GALNTL5: variants seen among roughly 807,000 people sequenced by gnomAD.
GALNTL5 encodes the protein inactive polypeptide N-acetylgalactosaminyltransferase-like protein 5.
Under a neutral mutation model 51.0 loss-of-function variants are expected in GALNTL5, and 44 were observed. That is an observed-to-expected ratio of 0.86 (90% CI 0.68 to 1.11). The LOEUF (loss-of-function observed/expected upper bound fraction) is 1.11, where lower values mean the gene tolerates loss of function less well. GALNTL5 is among the 50% of genes least tolerant of loss of function. GALNTL5 has a pLI of 0.00. For synonymous variants in GALNTL5, 192 were observed against 182.8 expected (o/e 1.05, Z -0.41); for missense variants, 528 against 531.8 (o/e 0.99, Z 0.07).
intron 3 of GALNTL5, among the ~76,000 whole-genome samples, chr7:151,974,885 A>G (rs1338992695): frequency 6.6e-6 from 1 of 152,228 alleles, no homozygotes; most frequent in Non-Finnish European, 1.5e-5. Context: ...GGCAGTTTTA[A>G]TATTTAAAAT....
intron 7 of GALNTL5, among the ~76,000 whole-genome samples, chr7:152,008,245 T>C (rs1305561572): frequency 8.1e-6 from 1 of 122,758 alleles, no homozygotes; most frequent in Non-Finnish European, 1.7e-5. Context: ...AAGACCCCCA[T>C]CTCTACTTTT....
chr7:151,976,334 A>G (rs1036900491), intron 3 of GALNTL5, among the ~76,000 whole-genome samples: 1 of 152,080 alleles, frequency 6.6e-6, no homozygotes, highest in Non-Finnish European at 1.5e-5. Context: ...TAATATTGTT[A>G]TATCTTCTTG....
At chr7:151,957,884 T>C (rs2080944781) in intron 1 of GALNTL5, 1 of 151,988 alleles carries the variant, frequency 6.6e-6, no homozygotes, top group Non-Finnish European at 1.5e-5. Flanking sequence ...CATCGATCTC[T>C]TGATAGGAGG....
chr7:151,979,913 T>C (rs1465822787), intron 3 of GALNTL5, among the ~76,000 whole-genome samples: 4 of 152,200 alleles, frequency 2.6e-5, no homozygotes, highest in Non-Finnish European at 5.9e-5. Flanking sequence ...ATTTCCAGTT[T>C]TCTTAAAGTG....
chr7:151,969,021 C>T (rs912301602), intron 2 of GALNTL5, among the ~76,000 whole-genome samples: 1 of 152,088 alleles, frequency 6.6e-6, no homozygotes, highest in African/African-American at 2.4e-5. Context: ...ATTCAAGTTT[C>T]TTGATATGTG....
intron 5 of GALNTL5, among the ~76,000 whole-genome samples, chr7:151,991,506 AT>A (rs896022766): frequency 6.6e-6 from 1 of 152,104 alleles, no homozygotes; most frequent in Non-Finnish European, 1.5e-5. Context: ...ATGTAATGTA[AT>A]TTTTTTCAGA....
intron 3 of GALNTL5, among the ~76,000 whole-genome samples, chr7:151,979,106 C>CCTTTTTTTTTT (rs1554405638): frequency 1.4e-5 from 1 of 71,164 alleles, no homozygotes. Context: ...TACTTTTACT[C>CCTTTTTTTTTT]TTTTTTTTTT....
At chr7:152,005,331 T>C (rs2081629989) in intron 6 of GALNTL5, among the ~76,000 whole-genome samples, 1 of 152,146 alleles carries the variant, frequency 6.6e-6, no homozygotes, top group East Asian at 1.9e-4. Context: ...CCAAGGATCA[T>C]GCCCTTTTCC....
intron 1 of GALNTL5, among the ~76,000 whole-genome samples, chr7:151,958,376 C>T (rs1350697859): frequency 6.6e-6 from 1 of 152,210 alleles, no homozygotes; most frequent in African/African-American, 2.4e-5. Context: ...CATGGTGGTG[C>T]CTGAAAACTC....
At chr7:151,988,688 C>T (rs2081391406) in intron 5 of GALNTL5, among the ~76,000 whole-genome samples, 1 of 149,756 alleles carries the variant, frequency 6.7e-6, no homozygotes, top group South Asian at 2.1e-4. Context: ...TGTGTATACA[C>T]AGGGTTAAGG....
At chr7:151,971,354 G>A (rs1168534283) in intron 3 of GALNTL5, among the ~76,000 whole-genome samples, 2 of 151,968 alleles carry the variant, frequency 1.3e-5, no homozygotes, top group Non-Finnish European at 2.9e-5. Flanking sequence ...CACCAATAAG[G>A]GCTTCTGGCC....
intron 5 of GALNTL5, among the ~76,000 whole-genome samples, chr7:151,999,828 C>G (rs2151955298): frequency 6.6e-6 from 1 of 152,310 alleles, no homozygotes; most frequent in East Asian, 1.9e-4. Flanking sequence ...CTCTTGTTAG[C>G]TCAGTTTTGG....
intron 1 of GALNTL5, among the ~76,000 whole-genome samples, chr7:151,957,121 A>G (rs2080935101): frequency 6.7e-6 from 1 of 149,088 alleles, no homozygotes; most frequent in South Asian, 2.2e-4. Context: ...GCTTGGATGA[A>G]AGAGTGAGAC....
chr7:151,980,737 A>ATTTTTTTTT (rs61288964), intron 3 of GALNTL5, among the ~76,000 whole-genome samples: 1 of 98,966 alleles, frequency 1.0e-5, no homozygotes, highest in Admixed American at 1.2e-4. Context: ...GCTAACAATG[A>ATTTTTTTTT]TTTTTTTTTT....
intron 4 of GALNTL5, among the ~76,000 whole-genome samples, chr7:151,986,205 C>A (rs2081357661): frequency 6.6e-6 from 1 of 152,166 alleles, no homozygotes; most frequent in Admixed American, 6.5e-5. Context: ...GATAACTTTC[C>A]CAAGAGCTAC....
intron 3 of GALNTL5, among the ~76,000 whole-genome samples, chr7:151,981,428 T>A (rs1432921933): frequency 6.6e-6 from 1 of 152,164 alleles, no homozygotes; most frequent in Admixed American, 6.5e-5. Flanking sequence ...AAAGCAGAGA[T>A]AGAGAGTGTC....
At chr7:151,969,916 C>G (rs1377618705) in intron 2 of GALNTL5, among the ~76,000 whole-genome samples, 1 of 152,204 alleles carries the variant, frequency 6.6e-6, no homozygotes, top group East Asian at 1.9e-4. Flanking sequence ...ACGCCATTCT[C>G]CTGCCTCAGC....
At position 152,007,889 on chromosome 7, in the gene GALNTL5, A is replaced by T. The variant is rs776480242; in HGVS notation, c.971A>T (p.Gln324Leu). The T allele has an allele frequency of 6.2e-7, 1 of 1,613,024 alleles. No homozygotes were observed. Among genetic ancestry groups the T allele is most frequent in the Non-Finnish European group, 8.5e-7 (1 of 1,179,304 alleles). The change falls in exon 7 of 9, where the codon CAG becomes CTG. Residue 324 changes from glutamine to leucine, a missense_variant. By Grantham distance (113) the Gln-to-Leu change is moderately radical (BLOSUM62 -2). Coordinates refer to ENST00000392800, the MANE Select transcript of GALNTL5 (RefSeq NM_145292.4). ...IRRHYFNEIG[Q>L]YDKDMDFWGR... is the part of the protein sequence containing the mutation. Reference sequence around the variant, plus strand: ...CGGCATTATTTTAATGAAATTGGACAGTATGACAAGGATATGGATTTTTGG... The same window carrying T: ...CGGCATTATTTTAATGAAATTGGACTGTATGACAAGGATATGGATTTTTGG...
At chr7:151,965,422 C>A (rs1031227683) in intron 1 of GALNTL5, among the ~76,000 whole-genome samples, 1 of 152,120 alleles carries the variant, frequency 6.6e-6, no homozygotes, top group Non-Finnish European at 1.5e-5. Context: ...TTAAAGGAAA[C>A]CTCGCAAGAC....
Sources: gnomAD v4.1 joint callset for allele counts (sites outside exome capture counted in the v4.1 genomes callset) on GRCh38, gnomAD v4.1.1 for gene constraint, MANE v1.5 for transcripts, NCBI Gene and HGNC (gene_info 2026-07-23, HGNC 2026-07-21) for gene names.